Variants in CDH23 observed in about 807,000 individuals in gnomAD.
The protein encoded by CDH23 is cadherin-23.
In CDH23, 189 loss-of-function variants were observed where a neutral mutation model predicts 317.1. The ratio of observed to expected loss-of-function variants is 0.60; its 90% CI spans 0.53 to 0.67. The LOEUF (loss-of-function observed/expected upper bound fraction) is 0.67. Ranked by LOEUF, CDH23 falls within the 30% of genes least tolerant of loss-of-function variation. CDH23 has a pLI of 0.00. For synonymous variants in CDH23, 1,839 were observed against 1,876.8 expected (o/e 0.98, Z 0.52); for missense variants, 4,401 against 4,592.4 (o/e 0.96, Z 1.20).
chr10:71,636,626 C>T (rs1372221652), intron 11 of CDH23, among the ~76,000 whole-genome samples: 11 of 152,180 alleles, frequency 7.2e-5, no homozygotes, highest in South Asian at 4.1e-4. Context: ...TCCCCAGTTG[C>T]GTAGTAATAC....
intron 38 of CDH23, among the ~76,000 whole-genome samples, chr10:71,776,387 G>A (rs995742289): frequency 1.3e-5 from 2 of 152,194 alleles, no homozygotes; most frequent in East Asian, 1.9e-4. Flanking sequence ...TGAGTTGTCT[G>A]TACCACCTGC....
chr10:71,710,985 G>A (rs984776713), intron 27 of CDH23, among the ~76,000 whole-genome samples: 6 of 152,164 alleles, frequency 3.9e-5, no homozygotes, highest in African/African-American at 1.4e-4. Context: ...GTGCCGCCGG[G>A]TGCTCCTGGT....
At chr10:71,724,728 C>T (rs1342152871) in intron 29 of CDH23, among the ~76,000 whole-genome samples, 1 of 152,212 alleles carries the variant, frequency 6.6e-6, no homozygotes, top group Admixed American at 6.5e-5. Context: ...GGGACTGGGT[C>T]TCATTGGTCC....
Position 71,709,169 on chromosome 10 carries a change from C to G in CDH23, c.3178C>G (p.Arg1060Gly). 1 of 1,613,948 alleles carries G rather than the reference C, an allele frequency of 6.2e-7. No homozygotes were observed. Among genetic ancestry groups the G allele is most frequent in the Non-Finnish European group, 8.5e-7 (1 of 1,179,892 alleles). ...AVVRTVVGLD[R>G]ETTAAYMLIL... ...TGTGAGAACCGTGGTGGGCCTGGAC[C>G]GGGAGACCACAGCCGCCTACATGCT... Residue 1060 changes from arginine to glycine, a missense_variant, in exon 27 of 70, where the codon CGG (arginine) becomes GGG (glycine). Coordinates refer to ENST00000224721, the MANE Select transcript of CDH23 (RefSeq NM_022124.6).
intron 1 of CDH23, among the ~76,000 whole-genome samples, chr10:71,407,230 A>G (rs769413211): frequency 6.6e-6 from 1 of 152,206 alleles, no homozygotes; most frequent in Non-Finnish European, 1.5e-5. Flanking sequence ...AAAGGACAAA[A>G]GTCCCACCTG....
chr10:71,777,612 C>T (rs1840844382), intron 38 of CDH23, 68 bp from the exon 39 acceptor site: 11 of 1,402,736 alleles, frequency 7.8e-6, no homozygotes, highest in South Asian at 2.5e-5. Flanking sequence ...CCCAGGAGAA[C>T]AGCCATCTGG....
intron 38 of CDH23, among the ~76,000 whole-genome samples, chr10:71,743,869 G>A (rs924822878): frequency 1.8e-4 from 28 of 152,248 alleles, no homozygotes; most frequent in African/African-American, 6.8e-4. Context: ...AGAGGTGTCA[G>A]AGCTCATGTT....
intron 38 of CDH23, among the ~76,000 whole-genome samples, chr10:71,773,077 G>A (rs1589413118): frequency 6.6e-6 from 1 of 150,726 alleles, no homozygotes; most frequent in Admixed American, 6.6e-5. Flanking sequence ...GGTTCTCTGG[G>A]CAGGGAAGGG....
intron 44 of CDH23, 115 bp downstream of exon 44, chr10:71,785,853 T>C: frequency 1.4e-6 from 1 of 733,358 alleles, no homozygotes. Context: ...GGCTTTGGAG[T>C]GAGCACGTGC....
chr10:71,405,139 C>A (rs915097890), intron 1 of CDH23, among the ~76,000 whole-genome samples: 2 of 152,186 alleles, frequency 1.3e-5, no homozygotes, highest in Admixed American at 1.3e-4. Context: ...CTGAGGGATG[C>A]CCTTTAGCTC....
chr10:71,534,582 C>T (rs978345277), intron 6 of CDH23, among the ~76,000 whole-genome samples: 2 of 152,312 alleles, frequency 1.3e-5, no homozygotes, highest in Admixed American at 6.5e-5. Flanking sequence ...GACAAGCAGA[C>T]CCATCTGCAT....
intron 27 of CDH23, among the ~76,000 whole-genome samples, chr10:71,711,038 A>C (rs1388204330): frequency 6.6e-6 from 1 of 151,960 alleles, no homozygotes; most frequent in Admixed American, 6.5e-5. Flanking sequence ...AAGGGAATGA[A>C]TTCTCTGGGC....
intron 3 of CDH23, among the ~76,000 whole-genome samples, chr10:71,501,803 G>A (rs1466648133): frequency 6.6e-6 from 1 of 152,228 alleles, no homozygotes; most frequent in Non-Finnish European, 1.5e-5. Flanking sequence ...TGGGAGGGCA[G>A]GAGCCCCTGG....
intron 6 of CDH23, among the ~76,000 whole-genome samples, chr10:71,524,204 G>A (rs1469337302): frequency 6.6e-6 from 1 of 152,210 alleles, no homozygotes; most frequent in Non-Finnish European, 1.5e-5. Flanking sequence ...TGAAAGCAGG[G>A]GCAGGGACAT....
rs116014408 is a variant in CDH23, at chr10:71,734,992, G to A, written c.4209+334G>A. On this transcript the variant is annotated intron_variant, in intron 34 of 69. Transcript: ENST00000224721. ...GTGTGACACAGGCAAGCTGCTTAAC[G>A]TCTCTGTGCTTCCCTTCCTCGGGTC... Among the ~76,000 whole-genome samples, 2,076 of 152,330 alleles carry A rather than the reference G, an allele frequency of 0.014. 50 individuals carry two copies. Among genetic ancestry groups the A allele is most frequent in the African/African-American group, 0.048 (1,998 of 41,578 alleles).
chr10:71,473,774 C>CA (rs1185706348), intron 3 of CDH23, among the ~76,000 whole-genome samples: 1 of 152,152 alleles, frequency 6.6e-6, no homozygotes, highest in Non-Finnish European at 1.5e-5. Context: ...CAGGCCCTTG[C>CA]AGTATGGCTA....
chr10:71,637,758 G>T (rs889099164), intron 11 of CDH23, among the ~76,000 whole-genome samples: 1 of 152,086 alleles, frequency 6.6e-6, no homozygotes, highest in Non-Finnish European at 1.5e-5. Flanking sequence ...TGGGCTGAGG[G>T]TGTCACACCA....
chr10:71,524,562 A>G (rs913847463), intron 6 of CDH23, among the ~76,000 whole-genome samples: 1 of 152,164 alleles, frequency 6.6e-6, no homozygotes, highest in Non-Finnish European at 1.5e-5. Flanking sequence ...AAGCAGAGTA[A>G]TGCCCCCTTG....
chr10:71,646,485 C>T lies in CDH23; in HGVS notation c.1317C>T (p.Asp439=), dbSNP rs748828988. The T allele has an allele frequency of 5.6e-6, 9 of 1,613,850 alleles. No individual in the cohort carries two copies. The South Asian group carries it at 6.6e-5, about 12-fold the overall frequency. ...FDLFANESVP[D]HVGYAKVKIT... ...TCTTTGCCAATGAGAGTGTGCCTGACCATGTGGGCTATGCCAAGGTGAAGA... is the reference window on the plus strand; with the variant it reads ...TCTTTGCCAATGAGAGTGTGCCTGATCATGTGGGCTATGCCAAGGTGAAGA... The change falls in exon 14 of 70, where the codon GAC becomes GAT. Residue 439 remains aspartate (D), a synonymous_variant. Transcript: ENST00000224721.
Sources: allele counts gnomAD v4.1 joint callset (sites outside exome capture counted in the v4.1 genomes callset), GRCh38; gene constraint gnomAD v4.1.1; transcripts MANE v1.5; gene names NCBI Gene and HGNC (gene_info 2026-07-23, HGNC 2026-07-21).